The following HIP1 variants were observed in gnomAD, a reference collection of about 807,000 sequenced individuals.
HIP1 encodes the protein huntingtin interacting protein 1.
In HIP1, 65 loss-of-function variants were observed where a neutral mutation model predicts 147.6. That is an observed-to-expected ratio of 0.44 (90% CI 0.36 to 0.54). The LOEUF (loss-of-function observed/expected upper bound fraction) is 0.54, where lower values mean the gene tolerates loss of function less well. Ranked by LOEUF, HIP1 falls within the 20% of genes least tolerant of loss-of-function variation. The pLI is 0.00. For synonymous variants in HIP1, 479 were observed against 504.0 expected (o/e 0.95, Z 0.67); for missense variants, 1,061 against 1,299.6 (o/e 0.82, Z 2.82).
intron 1 of HIP1, among the ~76,000 whole-genome samples, chr7:75,605,438 T>A (rs1298389851): frequency 6.6e-6 from 1 of 152,022 alleles, no homozygotes; most frequent in Non-Finnish European, 1.5e-5. Flanking sequence ...CAAGAAGAGA[T>A]GACAGCAGGT....
At chr7:75,718,526 C>T (rs920197699) in intron 1 of HIP1, among the ~76,000 whole-genome samples, 7 of 152,084 alleles carry the variant, frequency 4.6e-5, no homozygotes, top group Non-Finnish European at 8.8e-5. Flanking sequence ...GAAAATAAAA[C>T]GCAAAACAAA....
intron 30 of HIP1, 152 bp downstream of exon 30, chr7:75,539,171 G>A (rs76421761): frequency 0.016 from 10,484 of 636,090 alleles, 139 homozygotes; most frequent in Middle Eastern, 0.027. Flanking sequence ...TATTTACAAC[G>A]GAAGAGAAAA....
rs1554514084 is a variant in HIP1 at position 75,664,027 on chromosome 7, TG to T, written c.121-64781del. 5.5e-4 allele frequency among the ~76,000 whole-genome samples: 24 copies of T among 43,262 alleles called. 6 individuals are homozygous for T. The highest frequency in any genetic ancestry group is 8.9e-4 in the Admixed American group (3 of 3,366). The allele number at this position is 43,262 out of a possible 152,430, so 28.4% of individuals were successfully genotyped here. ...ATGTGTATATATATACACATATATG[TG>T]TATATATATACACATATATGTGTAT... On this transcript the variant is annotated intron_variant, in intron 1 of 30. Transcript: ENST00000336926.
chr7:75,544,920 T>C, intron 26 of HIP1, 120 bp from the exon 27 acceptor site: 1 of 764,408 alleles, frequency 1.3e-6, no homozygotes, highest in Non-Finnish European at 2.2e-6. Flanking sequence ...CTGCCTGCCC[T>C]GTGTCCCCTG....
chr7:75,540,432 CAA>C (rs57415264), intron 29 of HIP1, among the ~76,000 whole-genome samples: 73,808 of 127,246 alleles, frequency 0.58, 21,038 homozygotes, highest in Middle Eastern at 0.68. Flanking sequence ...GACTCGGTCT[CAA>C]AAAAAAAAAA....
At position 75,554,371 on chromosome 7, in the gene HIP1, G is replaced by A. The variant is rs373954002; in HGVS notation, c.2050+69C>T. On this transcript the variant is annotated intron_variant, in intron 20 of 30. Transcript: ENST00000336926. Reference sequence around the variant, plus strand: ...TGCAGAGGGACCTGTCACTATCCCCGCATTCAGGTGCTTCTGAACCCTGTC... The same window carrying A: ...TGCAGAGGGACCTGTCACTATCCCCACATTCAGGTGCTTCTGAACCCTGTC... The A allele has an allele frequency of 2.1e-4, 282 of 1,373,252 alleles. 2 individuals carry two copies. In the African/African-American group the frequency reaches 2.4e-3, roughly 12 times the overall value. The allele number at this position is 1,373,252 out of a possible 1,614,324, so 85.1% of individuals were successfully genotyped here.
intron 1 of HIP1, among the ~76,000 whole-genome samples, chr7:75,658,530 G>A (rs1290828053): frequency 1.3e-5 from 2 of 152,142 alleles, no homozygotes; most frequent in African/African-American, 4.8e-5. Context: ...AATTTTGCGG[G>A]CAGGAAAGGA....
chr7:75,623,999 C>A (rs1401179988), intron 1 of HIP1, among the ~76,000 whole-genome samples: 1 of 152,092 alleles, frequency 6.6e-6, no homozygotes, highest in Non-Finnish European at 1.5e-5. Flanking sequence ...GAGGATCACT[C>A]GAGCTCTGAA....
rs75713205 is a variant in HIP1 at position 75,729,974 on chromosome 7, C to T, written c.120+8827G>A. Among the ~76,000 whole-genome samples the T allele has an allele frequency of 1.9e-3, 290 of 152,144 alleles. 1 individual carries two copies. The highest frequency in any genetic ancestry group is 6.2e-3 in the African/African-American group (258 of 41,522). ...TCTCACAGAGGCACTCAACAGAATG[C>T]GGCTGTGAGGGCAGGAAGGAGGGAG... is the stretch of plus-strand genomic sequence containing the variant. On this transcript the variant is annotated intron_variant, in intron 1 of 30. Transcript: ENST00000336926.
At chr7:75,738,448 T>TG (rs1254727086) in intron 1 of HIP1, among the ~76,000 whole-genome samples, 11 of 152,198 alleles carry the variant, frequency 7.2e-5, no homozygotes, top group African/African-American at 2.4e-4. Context: ...GTGGCTCCCG[T>TG]GCGCTTCCCT....
intron 1 of HIP1, among the ~76,000 whole-genome samples, chr7:75,663,752 C>T (rs1025984591): frequency 2.0e-5 from 3 of 150,228 alleles, no homozygotes; most frequent in Non-Finnish European, 4.4e-5. Context: ...CAGCAGGAGA[C>T]GGGAATGGAA....
At chr7:75,691,592 A>G (rs1800454232) in intron 1 of HIP1, among the ~76,000 whole-genome samples, 1 of 152,042 alleles carries the variant, frequency 6.6e-6, no homozygotes, top group African/African-American at 2.4e-5. Flanking sequence ...TGAGGTCAGG[A>G]GTTTGAGACC....
At chr7:75,714,946 G>T (rs180720226) in intron 1 of HIP1, among the ~76,000 whole-genome samples, 1 of 152,108 alleles carries the variant, frequency 6.6e-6, no homozygotes. Flanking sequence ...GCCTCCTCCC[G>T]TCTGTGACAG....
chr7:75,562,195 G>C (rs1450599773), intron 11 of HIP1, 25 bp from the exon 12 acceptor site: 2 of 1,482,296 alleles, frequency 1.3e-6, no homozygotes, highest in African/African-American at 2.8e-5. Context: ...AAAGGAGTGA[G>C]AATAAGTCAG....
intron 29 of HIP1, among the ~76,000 whole-genome samples, chr7:75,541,380 A>T (rs908435123): frequency 6.6e-6 from 1 of 151,962 alleles, no homozygotes; most frequent in African/African-American, 2.4e-5. Flanking sequence ...AATACAAAAA[A>T]TTAGCCAGGC....
chr7:75,604,933 T>C (rs185330441), intron 1 of HIP1, among the ~76,000 whole-genome samples: 36 of 152,310 alleles, frequency 2.4e-4, no homozygotes, highest in African/African-American at 8.7e-4. Flanking sequence ...TACCGTGAGT[T>C]TGTGACTATG....
chr7:75,555,771 C>A (rs587686445), intron 18 of HIP1, among the ~76,000 whole-genome samples: 1 of 152,000 alleles, frequency 6.6e-6, no homozygotes, highest in East Asian at 1.9e-4. Flanking sequence ...TGGATCACTG[C>A]GCCCGCTTCT....
At chr7:75,736,267 C>T (rs746038792) in intron 1 of HIP1, among the ~76,000 whole-genome samples, 2 of 151,796 alleles carry the variant, frequency 1.3e-5, no homozygotes, top group Middle Eastern at 3.4e-3. Flanking sequence ...ATACCACTCA[C>T]GGGTGGAAAC....
chr7:75,601,581 G>A (rs1796976043), intron 1 of HIP1, among the ~76,000 whole-genome samples: 1 of 150,656 alleles, frequency 6.6e-6, no homozygotes, highest in South Asian at 2.1e-4. Context: ...GGCTGAGAGA[G>A]CTCTCAGCGA....
Sources: gnomAD v4.1 joint callset for allele counts (sites outside exome capture counted in the v4.1 genomes callset) on GRCh38, gnomAD v4.1.1 for gene constraint, MANE v1.5 for transcripts, NCBI Gene and HGNC (gene_info 2026-07-23, HGNC 2026-07-21) for gene names.